ASB3: variants seen among roughly 807,000 people sequenced by gnomAD.
ASB3 encodes the protein ankyrin repeat and SOCS box protein 3.
A neutral mutation model predicts 54.5 loss-of-function variants in ASB3; 41 were observed. That is an observed-to-expected ratio of 0.75 (90% CI 0.59 to 0.98). The LOEUF (loss-of-function observed/expected upper bound fraction) is 0.98. Ranked by LOEUF, ASB3 falls within the 50% of genes least tolerant of loss-of-function variation. The pLI is 0.00. For missense variants in ASB3, 733 were observed against 620.0 expected (o/e 1.18, Z -1.94); for synonymous variants, 266 against 221.2 (o/e 1.20, Z -1.80).
intron 3 of ASB3, among the ~76,000 whole-genome samples, chr2:53,739,730 C>G (rs995772120): frequency 6.6e-6 from 1 of 152,124 alleles, no homozygotes; most frequent in Non-Finnish European, 1.5e-5. Flanking sequence ...CGATGGAGGA[C>G]AGTGGCACAT....
At position 53,670,597 on chromosome 2, in the gene ASB3, A is replaced by G. The variant is rs1379146880; in HGVS notation, c.1463T>C (p.Leu488Pro). 6.2e-7 allele frequency: 1 copy of G among 1,614,068 alleles called. No individual in the cohort carries two copies. Among genetic ancestry groups the G allele is most frequent in the South Asian group, 1.1e-5 (1 of 91,076 alleles). Reference sequence around the variant, plus strand: ...ATTATGTAGGCTTCTGGGAAGTGGCAGCTGACTAATATAACTGTCAGACCG... The same window carrying G: ...ATTATGTAGGCTTCTGGGAAGTGGCGGCTGACTAATATAACTGTCAGACCG... Reference protein sequence around the residue: ...RLRSDSYISQLPLPRSLHNYL... With the variant: ...RLRSDSYISQPPLPRSLHNYL... Residue 488 changes from leucine (L) to proline (P), a missense_variant, in exon 10 of 10, where the codon CTG becomes CCG. Transcript: ENST00000263634.
chr2:53,716,633 C>A lies in ASB3; in HGVS notation c.715G>T (p.Asp239Tyr). The A allele has an allele frequency of 6.2e-7, 1 of 1,614,184 alleles. No homozygotes were observed. Among genetic ancestry groups the A allele is most frequent in the Non-Finnish European group, 8.5e-7 (1 of 1,180,014 alleles). ...CAACTGTCCTCATTACAGTAAAGAT[C>A]AGGATCTGCCCCACTGGAGAGCAAA... ...ELLLSSGADP[D>Y]LYCNEDSWQL... Residue 239 changes from aspartate (D) to tyrosine (Y), a missense_variant, in exon 6 of 10, where the codon GAT (aspartate) becomes TAT (tyrosine). Physicochemically the swap from Asp to Tyr is radical, Grantham distance 160. Transcript: ENST00000263634.
chr2:53,759,139 C>G (rs1285242224), intron 2 of ASB3, among the ~76,000 whole-genome samples: 1 of 152,180 alleles, frequency 6.6e-6, no homozygotes. Flanking sequence ...AGGATGACAA[C>G]AGAAGAAAGA....
At chr2:53,774,023 G>C (rs965789735) in intron 1 of ASB3, 2 of 1,139,664 alleles carry the variant, frequency 1.8e-6, no homozygotes, top group Admixed American at 5.4e-5. Flanking sequence ...CAACAGACAA[G>C]ACTTCATCTC....
At chr2:53,715,327 C>T (rs563598679) in intron 6 of ASB3, among the ~76,000 whole-genome samples, 8 of 152,154 alleles carry the variant, frequency 5.3e-5, no homozygotes, top group Non-Finnish European at 8.8e-5. Flanking sequence ...GAAATTCCTT[C>T]TTTCTGGGAA....
rs532435746 is a variant in ASB3, at chr2:53,692,777, A to G, written c.1369+1107T>C. Among the ~76,000 whole-genome samples the G allele has an allele frequency of 3.7e-3, 563 of 152,292 alleles. 7 individuals carry two copies. The highest frequency in any genetic ancestry group is 0.013 in the African/African-American group (530 of 41,580). ...TCCATAGTCTATCTGTTCTGAACAG[A>G]TATTTGTTCTCTACTGCTGCAGATA... is the stretch of plus-strand genomic sequence containing the variant. On this transcript the variant is annotated intron_variant, in intron 9 of 9. Coordinates refer to ENST00000263634, the MANE Select transcript of ASB3 (RefSeq NM_016115.5).
intron 8 of ASB3, 132 bp from the exon 9 acceptor site, chr2:53,694,146 GTATT>G: frequency 9.9e-7 from 1 of 1,010,736 alleles, no homozygotes; most frequent in Non-Finnish European, 1.4e-6. Flanking sequence ...GGCATGTTAA[GTATT>G]TATGTAACTA....
chr2:53,736,526 G>C (rs1671639948), intron 3 of ASB3, among the ~76,000 whole-genome samples: 1 of 151,684 alleles, frequency 6.6e-6, no homozygotes, highest in East Asian at 1.9e-4. Flanking sequence ...GTGAAACCCT[G>C]TCTCTACTAA....
intron 9 of ASB3, among the ~76,000 whole-genome samples, chr2:53,692,402 T>C (rs1178322720): frequency 6.6e-6 from 1 of 152,144 alleles, no homozygotes; most frequent in Non-Finnish European, 1.5e-5. Context: ...AAAGAGGGCT[T>C]GGCTAGAGAA....
At chr2:53,743,899 C>T (rs1672074980) in intron 3 of ASB3, among the ~76,000 whole-genome samples, 1 of 151,812 alleles carries the variant, frequency 6.6e-6, no homozygotes, top group Admixed American at 6.6e-5. Flanking sequence ...AAAAATTAGC[C>T]TGGCATGGTG....
At chr2:53,692,290 T>G (rs1043649133) in intron 9 of ASB3, among the ~76,000 whole-genome samples, 2 of 152,020 alleles carry the variant, frequency 1.3e-5, no homozygotes, top group African/African-American at 4.8e-5. Context: ...ACAGAAGAAT[T>G]TGTAGGAAAA....
At chr2:53,723,327 G>C (rs1009668570) in intron 5 of ASB3, among the ~76,000 whole-genome samples, 5 of 152,048 alleles carry the variant, frequency 3.3e-5, no homozygotes, top group African/African-American at 1.2e-4. Flanking sequence ...TTAAATGTCA[G>C]AGTTTTTTGT....
chr2:53,744,371 C>T (rs918338130), intron 3 of ASB3, among the ~76,000 whole-genome samples: 6 of 138,172 alleles, frequency 4.3e-5, no homozygotes, highest in African/African-American at 1.7e-4. Flanking sequence ...GCAGACAGAG[C>T]GAGACTCTGT....
chr2:53,691,202 C>T (rs1461837303), intron 9 of ASB3, among the ~76,000 whole-genome samples: 4 of 152,048 alleles, frequency 2.6e-5, no homozygotes, highest in South Asian at 2.1e-4. Context: ...GCAAGAAATG[C>T]GTTGTTACTT....
chr2:53,786,905 C>T lies in ASB3; in HGVS notation c.-98G>A, dbSNP rs2542586. The T allele has an allele frequency of 5.2e-3, 1,809 of 349,576 alleles. 10 individuals are homozygous for T. Among genetic ancestry groups the T allele is most frequent in the Admixed American group, 7.8e-3 (178 of 22,746 alleles). 21.7% of individuals were successfully genotyped at this position (349,576 alleles called of 1,614,324 possible). On this transcript the variant is annotated 5_prime_UTR_variant, in exon 1 of 10. Transcript: ENST00000263634. ...CGTCCCAGAAGCCCCCGCTTTCGAT[C>T]CCCACCGCGATGCTGCAGCCGTCCG...
Position 53,693,946 on chromosome 2 carries a change from G to C in ASB3, c.1307C>G (p.Pro436Arg), listed in dbSNP as rs751402166. The change falls in exon 9 of 10, where the codon CCA becomes CGA. Residue 436 changes from proline (P) to arginine (R), a missense_variant. Pro to Arg is a moderately radical substitution (Grantham distance 103). Coordinates refer to ENST00000263634, the MANE Select transcript of ASB3 (RefSeq NM_016115.5). The stretch of plus-strand genomic sequence containing the variant: ...AGCAGAGAGCATCCTTTCAACAGCT[G>C]GTGCAAGTGTCTTCCAATTAGTAAA... ...LEFTNWKTLAPAVERMLSARA... is the reference protein window; with the variant it reads ...LEFTNWKTLARAVERMLSARA... 6.2e-7 allele frequency: 1 copy of C among 1,613,606 alleles called. No homozygotes were observed. Among genetic ancestry groups the C allele is most frequent in the Non-Finnish European group, 8.5e-7 (1 of 1,179,628 alleles).
At chr2:53,732,791 T>G (rs564050792) in intron 3 of ASB3, among the ~76,000 whole-genome samples, 30 of 152,230 alleles carry the variant, frequency 2.0e-4, no homozygotes, top group Non-Finnish European at 4.0e-4. Flanking sequence ...AAAGCAAATT[T>G]AATAGTTACT....
At chr2:53,677,637 T>C (rs1668149719) in intron 9 of ASB3, among the ~76,000 whole-genome samples, 1 of 152,200 alleles carries the variant, frequency 6.6e-6, no homozygotes, top group Non-Finnish European at 1.5e-5. Context: ...GTTTCCCCAA[T>C]GGTCTGTGAC....
intron 2 of ASB3, chr2:53,763,389 T>C (rs904105883): frequency 8.9e-5 from 15 of 169,028 alleles, no homozygotes; most frequent in African/African-American, 3.6e-4. Context: ...CGGGCTTCTG[T>C]ATCCACGGGT....
Sources: allele counts gnomAD v4.1 joint callset (sites outside exome capture counted in the v4.1 genomes callset), GRCh38; gene constraint gnomAD v4.1.1; transcripts MANE v1.5; gene names NCBI Gene and HGNC (gene_info 2026-07-23, HGNC 2026-07-21).